Variants in PPM1L observed in about 807,000 individuals in gnomAD.
The protein encoded by PPM1L is protein phosphatase 1L.
A neutral mutation model predicts 31.4 loss-of-function variants in PPM1L; 13 were observed. The observed-to-expected ratio is 0.41, with a 90% CI of 0.27 to 0.66. The LOEUF (loss-of-function observed/expected upper bound fraction) is 0.66, where lower values mean the gene tolerates loss of function less well. PPM1L is among the 30% of genes least tolerant of loss of function. The pLI is 0.29. For synonymous variants in PPM1L, 184 were observed against 175.4 expected, an observed-to-expected ratio of 1.05 and a Z score of -0.39; for missense variants, 326 against 453.7, an observed-to-expected ratio of 0.72 and a Z score of 2.56.
chr3:161,067,689 C>T (rs919256487), intron 3 of PPM1L, among the ~76,000 whole-genome samples: 6 of 152,266 alleles, frequency 3.9e-5, no homozygotes, highest in African/African-American at 1.4e-4. Flanking sequence ...CAAGCACACA[C>T]AGCTAGTGAA....
At chr3:160,997,573 C>T (rs1340561440) in intron 2 of PPM1L, among the ~76,000 whole-genome samples, 1 of 152,094 alleles carries the variant, frequency 6.6e-6, no homozygotes, top group Non-Finnish European at 1.5e-5. Flanking sequence ...TTTGGCAGTT[C>T]CAAGAAGTCA....
chr3:160,974,525 C>T (rs1576754846), intron 2 of PPM1L, among the ~76,000 whole-genome samples: 2 of 151,748 alleles, frequency 1.3e-5, no homozygotes, highest in South Asian at 2.1e-4. Flanking sequence ...ACATCCTCTC[C>T]AGCACCTGTT....
chr3:160,795,562 T>C (rs1712222892), intron 1 of PPM1L, among the ~76,000 whole-genome samples: 1 of 152,196 alleles, frequency 6.6e-6, no homozygotes, highest in Non-Finnish European at 1.5e-5. Context: ...CAGTGCCTCA[T>C]CACCAACCTC....
At chr3:161,045,199 A>G (rs142119598) in intron 2 of PPM1L, among the ~76,000 whole-genome samples, 2,537 of 152,300 alleles carry the variant, frequency 0.017, 79 homozygotes, top group African/African-American at 0.058. Context: ...CACTGTCAAC[A>G]TTAGACAGAT....
chr3:161,032,866 A>ATT (rs61145165), intron 2 of PPM1L, among the ~76,000 whole-genome samples: 5 of 107,366 alleles, frequency 4.7e-5, no homozygotes, highest in Non-Finnish European at 9.4e-5. Context: ...CTAATTTTGT[A>ATT]TTTTTTTTTT....
At chr3:160,886,856 G>T (rs545008743) in intron 1 of PPM1L, among the ~76,000 whole-genome samples, 1 of 152,196 alleles carries the variant, frequency 6.6e-6, no homozygotes, top group South Asian at 2.1e-4. Flanking sequence ...GATGGAGGAT[G>T]AGGTGGACAA....
chr3:160,939,345 A>G (rs1248718036), intron 1 of PPM1L, among the ~76,000 whole-genome samples: 2 of 151,990 alleles, frequency 1.3e-5, no homozygotes, highest in East Asian at 3.9e-4. Flanking sequence ...TATAGAATGT[A>G]CTCTCCACCT....
intron 1 of PPM1L, among the ~76,000 whole-genome samples, chr3:160,807,208 A>G (rs765948165): frequency 1.7e-4 from 26 of 152,302 alleles, no homozygotes; most frequent in Middle Eastern, 3.4e-3. Context: ...ACTCTGGATG[A>G]ACATTTTTTT....
At chr3:160,803,191 G>A (rs1423376230) in intron 1 of PPM1L, among the ~76,000 whole-genome samples, 4 of 152,188 alleles carry the variant, frequency 2.6e-5, no homozygotes, top group Non-Finnish European at 5.9e-5. Context: ...CCCCTCCCCC[G>A]AAAGTAGGCA....
At chr3:161,013,583 A>T in intron 2 of PPM1L, among the ~76,000 whole-genome samples, 1 of 152,176 alleles carries the variant, frequency 6.6e-6, no homozygotes, top group East Asian at 1.9e-4. Context: ...TATCCTTGTT[A>T]ACTTTGTGTC....
chr3:161,018,876 A>G (rs1442562566), intron 2 of PPM1L, among the ~76,000 whole-genome samples: 4 of 152,208 alleles, frequency 2.6e-5, no homozygotes, highest in Admixed American at 2.6e-4. Flanking sequence ...GATATGTTGC[A>G]TACCATGACC....
At chr3:160,944,866 A>G (rs1238389724) in intron 1 of PPM1L, among the ~76,000 whole-genome samples, 6 of 4,082 alleles carry the variant, frequency 1.5e-3, no homozygotes, top group African/African-American at 4.4e-3. Context: ...ATTATATATA[A>G]TGTTATATAT....
chr3:160,874,295 T>G (rs1208094673), intron 1 of PPM1L, among the ~76,000 whole-genome samples: 1 of 152,208 alleles, frequency 6.6e-6, no homozygotes, highest in Non-Finnish European at 1.5e-5. Context: ...ATTGTCTAGT[T>G]GCAGCAGTGG....
rs1426663316 is a variant in PPM1L, at chr3:161,065,480, T to TGTGA, written c.653_656dup (p.Asp219GlufsTer2). The TGTGA allele has an allele frequency of 6.2e-7, 1 of 1,613,946 alleles. No homozygotes were observed. The highest frequency in any genetic ancestry group is 1.3e-5 in the African/African-American group (1 of 74,882). ...CGTGGGTGACTCGCGCGGGGTCCTGTGTGACAAAGATGGGAACGCTATTCC... is the reference window on the plus strand; with the variant it reads ...CGTGGGTGACTCGCGCGGGGTCCTGTGTGAGTGACAAAGATGGGAACGCTATTCC... On this transcript the variant is annotated frameshift_variant, in exon 3 of 4. Coordinates refer to ENST00000498165, the MANE Select transcript of PPM1L (RefSeq NM_139245.4). LOFTEE classifies it high-confidence loss of function.
At chr3:160,877,957 C>T (rs1712574178) in intron 1 of PPM1L, among the ~76,000 whole-genome samples, 1 of 152,220 alleles carries the variant, frequency 6.6e-6, no homozygotes, top group Non-Finnish European at 1.5e-5. Context: ...TGCAGGCATT[C>T]ACCTGTGTAA....
At chr3:160,972,518 A>G (rs1219409022) in intron 2 of PPM1L, among the ~76,000 whole-genome samples, 5 of 152,160 alleles carry the variant, frequency 3.3e-5, no homozygotes, top group African/African-American at 1.2e-4. Flanking sequence ...GTCCCTACAA[A>G]GGACATGAAC....
At chr3:160,860,175 A>G (rs1206221586) in intron 1 of PPM1L, among the ~76,000 whole-genome samples, 1 of 152,204 alleles carries the variant, frequency 6.6e-6, no homozygotes, top group East Asian at 1.9e-4. Flanking sequence ...ATCTGGACTG[A>G]GGAGTTTAAA....
intron 1 of PPM1L, among the ~76,000 whole-genome samples, chr3:160,807,633 A>G (rs1045055812): frequency 2.0e-5 from 3 of 152,212 alleles, no homozygotes; most frequent in Non-Finnish European, 4.4e-5. Flanking sequence ...ACTTAGTGAA[A>G]GCTGTCAGCA....
intron 1 of PPM1L, among the ~76,000 whole-genome samples, chr3:160,944,737 T>C (rs1715269994): frequency 9.7e-6 from 1 of 103,250 alleles, no homozygotes; most frequent in Non-Finnish European, 2.3e-5. Flanking sequence ...TAACATGTTA[T>C]ATATTATATA....
Sources: allele counts gnomAD v4.1 joint callset (sites outside exome capture counted in the v4.1 genomes callset), GRCh38; gene constraint gnomAD v4.1.1; transcripts MANE v1.5; gene names NCBI Gene and HGNC (gene_info 2026-07-23, HGNC 2026-07-21).